Variants in NRG1 observed in about 807,000 individuals in gnomAD.
The protein encoded by NRG1 is neuregulin 1, also known as pro-neuregulin-1, membrane-bound isoform.
In NRG1, 18 loss-of-function variants were observed where a neutral mutation model predicts 63.8. The ratio of observed to expected loss-of-function variants is 0.28; its 90% CI spans 0.19 to 0.42. The LOEUF is 0.42. NRG1 is among the 10% of genes least tolerant of loss of function. The pLI, the probability that NRG1 is intolerant of heterozygous loss-of-function variation, is 1.00. For missense variants in NRG1, 762 were observed against 814.7 expected, an observed-to-expected ratio of 0.94 and a Z score of 0.79; for synonymous variants, 302 against 301.3, an observed-to-expected ratio of 1.00 and a Z score of -0.02.
chr8:31,906,668 A>T (rs1228874361), intron 1 of NRG1, among the ~76,000 whole-genome samples: 1 of 152,108 alleles, frequency 6.6e-6, no homozygotes, highest in Admixed American at 6.6e-5. Flanking sequence ...TGTGTATAAA[A>T]ACAAAATAAT....
intron 7 of NRG1, chr8:32,749,709 A>G (rs1828300199): frequency 4.8e-6 from 4 of 836,620 alleles, no homozygotes; most frequent in Admixed American, 2.4e-5. Flanking sequence ...AAGGGATCAT[A>G]CAGCTATAAC....
intron 1 of NRG1, among the ~76,000 whole-genome samples, chr8:31,732,820 A>G (rs1398957026): frequency 1.3e-5 from 2 of 152,116 alleles, no homozygotes; most frequent in East Asian, 1.9e-4. Context: ...GCTTGAACCC[A>G]GGAGGCAGAG....
rs1442321891 is a variant in NRG1 at position 32,494,948 on chromosome 8, A to G, written c.38-100880A>G. Among the ~76,000 whole-genome samples, 6 of 152,232 alleles carry G rather than the reference A, an allele frequency of 3.9e-5. No homozygotes were observed. The South Asian group carries it at 1.2e-3, about 31-fold the overall frequency. ...TCTAGCCAGGGAATGGCTTGTAGTC[A>G]TGCTAAATATTCTTTACAAGTTGTG... On this transcript the variant is annotated intron_variant, in intron 1 of 10. Coordinates refer to the NRG1 transcript ENST00000519301.
At chr8:31,692,588 G>A (rs1182191975) in intron 1 of NRG1, among the ~76,000 whole-genome samples, 2 of 152,156 alleles carry the variant, frequency 1.3e-5, no homozygotes, top group Non-Finnish European at 2.9e-5. Flanking sequence ...TGAAAAAGTG[G>A]CAATAACTAT....
intron 1 of NRG1, among the ~76,000 whole-genome samples, chr8:31,646,732 A>G (rs1804323687): frequency 6.6e-6 from 1 of 152,194 alleles, no homozygotes; most frequent in South Asian, 2.1e-4. Context: ...TGACTGAAGG[A>G]CCCCAGCTGG....
chr8:32,498,460 G>A (rs1003234047), intron 1 of NRG1, among the ~76,000 whole-genome samples: 4 of 152,262 alleles, frequency 2.6e-5, no homozygotes, highest in African/African-American at 4.8e-5. Flanking sequence ...TTCACATGGC[G>A]GCTGCAAGGA....
chr8:31,648,092 T>G, intron 1 of NRG1, among the ~76,000 whole-genome samples: 1 of 149,840 alleles, frequency 6.7e-6, no homozygotes, highest in Non-Finnish European at 1.5e-5. Context: ...CCAATCACCA[T>G]TCTACTTTCT....
At chr8:31,935,545 A>G (rs1835231820) in intron 1 of NRG1, among the ~76,000 whole-genome samples, 1 of 152,182 alleles carries the variant, frequency 6.6e-6, no homozygotes, top group Non-Finnish European at 1.5e-5. Flanking sequence ...GGTGTGACCC[A>G]CTGTGTCAGC....
chr8:31,791,775 T>C (rs13254351), intron 1 of NRG1, among the ~76,000 whole-genome samples: 3 of 152,186 alleles, frequency 2.0e-5, no homozygotes, highest in Non-Finnish European at 4.4e-5. Context: ...TGAGTTCAGG[T>C]TGGCTCTAGT....
At chr8:31,993,567 A>G (rs958297606) in intron 1 of NRG1, among the ~76,000 whole-genome samples, 1 of 151,920 alleles carries the variant, frequency 6.6e-6, no homozygotes, top group Non-Finnish European at 1.5e-5. Flanking sequence ...CTTCCCCACC[A>G]CTGTGTAAGA....
intron 1 of NRG1, among the ~76,000 whole-genome samples, chr8:32,025,058 T>A (rs1817031389): frequency 6.6e-6 from 1 of 152,218 alleles, no homozygotes; most frequent in South Asian, 2.1e-4. Flanking sequence ...AGGAGACAGA[T>A]CTGTCACTTT....
intron 1 of NRG1, among the ~76,000 whole-genome samples, chr8:31,919,732 A>G (rs1033205714): frequency 1.3e-5 from 2 of 152,124 alleles, no homozygotes; most frequent in African/African-American, 4.8e-5. Context: ...TTCAAGAATT[A>G]GGAAGGTGAA....
chr8:32,399,644 T>A (rs1450700965), intron 1 of NRG1, among the ~76,000 whole-genome samples: 2 of 152,122 alleles, frequency 1.3e-5, no homozygotes, highest in Admixed American at 6.6e-5. Context: ...GCAAAGGTAT[T>A]AGTCAGCAGA....
intron 1 of NRG1, among the ~76,000 whole-genome samples, chr8:31,751,364 T>C (rs1039274217): frequency 3.9e-5 from 6 of 151,934 alleles, no homozygotes; most frequent in Non-Finnish European, 7.4e-5. Flanking sequence ...ATGAGTTACC[T>C]GAGTAACAAG....
upstream of NRG1, among the ~76,000 whole-genome samples, chr8:32,545,279 G>C (rs1832964147): frequency 6.6e-6 from 1 of 152,130 alleles, no homozygotes; most frequent in African/African-American, 2.4e-5. Context: ...TTTAATGTGA[G>C]ATCTAAATTT....
At chr8:31,832,578 A>G (rs1224566439) in intron 1 of NRG1, among the ~76,000 whole-genome samples, 2 of 152,036 alleles carry the variant, frequency 1.3e-5, no homozygotes, top group Admixed American at 6.5e-5. Context: ...TTTTTTCATA[A>G]TGGCAGAGAA....
rs1366450319 is a variant in NRG1, at chr8:32,426,565, G to A, written c.38-169263G>A. 2.0e-4 allele frequency among the ~76,000 whole-genome samples: 31 copies of A among 152,146 alleles called. 1 individual carries two copies. Among genetic ancestry groups the A allele is most frequent in the African/African-American group, 6.8e-4 (28 of 41,446 alleles). ...TAAGTAGTAGACATTCTCCTAGGAT[G>A]TTTATGTTTGTGAAGATGATAAATG... On this transcript the variant is annotated intron_variant, in intron 1 of 10. Transcript: ENST00000519301.
rs1212760647 is a variant in NRG1, at chr8:32,742,928, T to C, written c.691+195T>C. On this transcript the variant is annotated intron_variant, in intron 7 of 11. Coordinates refer to ENST00000356819, the Ensembl canonical transcript of NRG1. The surrounding 1 kb of genome is among the most constrained non-coding windows in gnomAD (Gnocchi z 4.2). Reference sequence around the variant, plus strand: ...ATTACTTCCTCTGTTCGCGACTAGTTGGCTCTGAGATACTAATAGGTGTGT... The same window carrying C: ...ATTACTTCCTCTGTTCGCGACTAGTCGGCTCTGAGATACTAATAGGTGTGT... 62 of 1,465,076 alleles carry C rather than the reference T, an allele frequency of 4.2e-5. No homozygotes were observed. The highest frequency in any genetic ancestry group is 2.3e-5 in the Admixed American group (1 of 44,120). 90.8% of individuals were successfully genotyped at this position (1,465,076 alleles called of 1,614,324 possible). A position where few individuals can be genotyped will look rare whatever the true frequency, so the allele number is the denominator to read the frequency against.
At position 32,493,767 on chromosome 8, in the gene NRG1, A is replaced by T. The variant is rs574522987; in HGVS notation, c.38-102061A>T. The stretch of plus-strand genomic sequence containing the variant: ...TTGCTCTTAATGTTGCCTGAAGTTG[A>T]AAGGATGAACTTTGACTTGAAAGAT... On this transcript the variant is annotated intron_variant, in intron 1 of 10. Coordinates refer to the NRG1 transcript ENST00000519301. 4.6e-5 allele frequency among the ~76,000 whole-genome samples: 7 copies of T among 152,330 alleles called. No homozygotes were observed. The East Asian group carries it at 1.4e-3, about 29-fold the overall frequency.
Sources: allele counts gnomAD v4.1 joint callset (sites outside exome capture counted in the v4.1 genomes callset), GRCh38; gene constraint gnomAD v4.1.1; non-coding constraint Gnocchi (gnomAD v3.1); transcripts MANE v1.5; gene names NCBI Gene and HGNC (gene_info 2026-07-23, HGNC 2026-07-21).